The following SLC44A1 variants were observed in gnomAD, a reference collection of about 807,000 sequenced individuals.
The protein encoded by SLC44A1 is solute carrier family 44 member 1, also known as choline transporter-like protein 1.
Under a neutral mutation model 79.3 loss-of-function variants are expected in SLC44A1, and 26 were observed. That is an observed-to-expected ratio of 0.33 (90% CI 0.24 to 0.46). SLC44A1 has a LOEUF of 0.46. Ranked by LOEUF, SLC44A1 falls within the 20% of genes least tolerant of loss-of-function variation. The probability of loss-of-function intolerance (pLI) is 1.00; values close to 1 mark genes in which losing one functional copy is unlikely to be tolerated. For synonymous variants in SLC44A1, 263 were observed against 286.2 expected, an observed-to-expected ratio of 0.92 and a Z score of 0.82; for missense variants, 688 against 798.1, an observed-to-expected ratio of 0.86 and a Z score of 1.66.
At chr9:105,328,908 A>G (rs1209849603) in intron 3 of SLC44A1, among the ~76,000 whole-genome samples, 2 of 152,118 alleles carry the variant, frequency 1.3e-5, no homozygotes, top group Admixed American at 1.3e-4. Context: ...CTTGGGTTTC[A>G]CCAACTCTGG....
chr9:105,387,050 A>AG (rs1170191623), intron 15 of SLC44A1, among the ~76,000 whole-genome samples: 1 of 1,416 alleles, frequency 7.1e-4, no homozygotes, highest in Non-Finnish European at 2.4e-3. Flanking sequence ...AAAAAAAAAA[A>AG]AAAAAAAAAA....
rs1021872446 is a variant in SLC44A1, at chr9:105,304,976, T to G, written c.127-4748T>G. ...TTTTTTTTTTTTTTTTTTTTTTTTT[T>G]TTTTTTTTTTCAGAGTCAAGGTCTC... On this transcript the variant is annotated intron_variant, in intron 2 of 15. Coordinates refer to ENST00000374720, the MANE Select transcript of SLC44A1 (RefSeq NM_080546.5). Among the ~76,000 whole-genome samples the G allele has an allele frequency of 4.9e-4, 52 of 106,956 alleles. 4 individuals are homozygous for G. The East Asian group carries it at 7.1e-3, about 15-fold the overall frequency. 70.2% of individuals were successfully genotyped at this position (106,956 alleles called of 152,430 possible). A position where few individuals can be genotyped will look rare whatever the true frequency, so the allele number is the denominator to read the frequency against.
intron 4 of SLC44A1, among the ~76,000 whole-genome samples, chr9:105,341,997 T>A (rs977970613): frequency 1.3e-5 from 2 of 152,208 alleles, no homozygotes; most frequent in Non-Finnish European, 2.9e-5. Flanking sequence ...TGGTGAATGC[T>A]CTCATCTGAG....
chr9:105,438,383 A>G, exon 16 of SLC44A1: 2 of 1,062,624 alleles, frequency 1.9e-6, no homozygotes, highest in Non-Finnish European at 2.8e-6. Flanking sequence ...GTCTGCGATT[A>G]TGAAGAGCAG....
At chr9:105,277,075 T>C (rs1194202225) in intron 1 of SLC44A1, among the ~76,000 whole-genome samples, 1 of 152,188 alleles carries the variant, frequency 6.6e-6, no homozygotes, top group Non-Finnish European at 1.5e-5. Flanking sequence ...TAGGACGTGG[T>C]CAGATTCTGG....
At chr9:105,401,996 T>G (rs1251141387), downstream of SLC44A1, among the ~76,000 whole-genome samples, 1 of 152,056 alleles carries the variant, frequency 6.6e-6, no homozygotes, top group Non-Finnish European at 1.5e-5. Flanking sequence ...AGCCAGATGA[T>G]GAAGGGGTGG....
In SLC44A1 at chr9:105,396,395, A is replaced by AG. The variant is rs1401869249; in HGVS notation, c.*7339_*7340insG. On this transcript the variant is annotated 3_prime_UTR_variant, in exon 16 of 16. Transcript: ENST00000374720. ...AGCAAAATGACAGGGGCTTCAAAAAACAACCAAAGACAAAACCCTATCTTC... is the reference window on the plus strand; with the variant it reads ...AGCAAAATGACAGGGGCTTCAAAAAAGCAACCAAAGACAAAACCCTATCTTC... The AG allele has an allele frequency of 1.0e-6, 1 of 985,346 alleles. No homozygotes were observed. The highest frequency in any genetic ancestry group is 1.2e-6 in the Non-Finnish European group (1 of 829,946). 61.0% of individuals were successfully genotyped at this position (985,346 alleles called of 1,614,324 possible).
intron 15 of SLC44A1, among the ~76,000 whole-genome samples, chr9:105,421,731 G>T (rs974993869): frequency 2.6e-5 from 4 of 152,052 alleles, no homozygotes; most frequent in Non-Finnish European, 5.9e-5. Flanking sequence ...GGGACTACAG[G>T]TGCCTACCAC....
chr9:105,315,737 G>C (rs922292047), intron 3 of SLC44A1, among the ~76,000 whole-genome samples: 16 of 152,088 alleles, frequency 1.1e-4, no homozygotes, highest in Admixed American at 1.0e-3. Context: ...ACCTGTTCCT[G>C]TTTGAAAAAG....
intron 1 of SLC44A1, among the ~76,000 whole-genome samples, chr9:105,273,295 T>A (rs542310784): frequency 6.6e-6 from 1 of 152,292 alleles, no homozygotes; most frequent in Non-Finnish European, 1.5e-5. Context: ...CCCAGCCCGA[T>A]AATTTTTATT....
rs558060831 is a variant in SLC44A1 at position 105,329,949 on chromosome 9, C to T, written c.270-5614C>T. On this transcript the variant is annotated intron_variant, in intron 3 of 15. Transcript: ENST00000374720. ...AATTTCCACTGACATCTCAGCCTTG[C>T]CTCCTATCACATGGTTTTTAAATGA... Among the ~76,000 whole-genome samples, 29 of 152,254 alleles carry T rather than the reference C, an allele frequency of 1.9e-4. No individual in the cohort carries two copies. In the East Asian group the frequency reaches 5.4e-3, roughly 28 times the overall value.
At chr9:105,427,311 T>G (rs747338260) in intron 15 of SLC44A1, among the ~76,000 whole-genome samples, 17 of 152,228 alleles carry the variant, frequency 1.1e-4, no homozygotes, top group Non-Finnish European at 1.6e-4. Flanking sequence ...AGTTATAATA[T>G]TCTTTCATTT....
At chr9:105,250,789 A>G (rs1015471550) in intron 1 of SLC44A1, among the ~76,000 whole-genome samples, 2 of 152,164 alleles carry the variant, frequency 1.3e-5, no homozygotes, top group Non-Finnish European at 2.9e-5. Flanking sequence ...GAAGTTTACA[A>G]ATGTTATGGA....
At chr9:105,298,796 T>C (rs997060221) in intron 1 of SLC44A1, among the ~76,000 whole-genome samples, 1 of 152,194 alleles carries the variant, frequency 6.6e-6, no homozygotes, top group African/African-American at 2.4e-5. Context: ...TGTATTCATT[T>C]ATTTATTCAT....
chr9:105,355,521 T>C (rs1056748177), intron 5 of SLC44A1, among the ~76,000 whole-genome samples: 1 of 152,258 alleles, frequency 6.6e-6, no homozygotes, highest in African/African-American at 2.4e-5. Context: ...ATGTGTAATC[T>C]TTTATGCAGA....
chr9:105,294,382 G>A (rs1278450526), intron 1 of SLC44A1, among the ~76,000 whole-genome samples: 1 of 151,636 alleles, frequency 6.6e-6, no homozygotes, highest in Non-Finnish European at 1.5e-5. Context: ...ATTCTGTCAC[G>A]TGTTTTGGTT....
At chr9:105,382,555 A>G (rs1828499201) in intron 13 of SLC44A1, among the ~76,000 whole-genome samples, 1 of 152,228 alleles carries the variant, frequency 6.6e-6, no homozygotes, top group South Asian at 2.1e-4. Flanking sequence ...TATATCTGAA[A>G]ACAATATAAA....
At position 105,375,081 on chromosome 9, in the gene SLC44A1, G is replaced by A. The variant is rs1443299121; in HGVS notation, c.1632+346G>A. On this transcript the variant is annotated intron_variant, in intron 13 of 15. Coordinates refer to ENST00000374720, the MANE Select transcript of SLC44A1 (RefSeq NM_080546.5). ...TTTGAAACGGAGTTTCGCTCTTGTCGCCCAGGCTGGAATACAATGGTGCTA... is the reference window on the plus strand; with the variant it reads ...TTTGAAACGGAGTTTCGCTCTTGTCACCCAGGCTGGAATACAATGGTGCTA... Among the ~76,000 whole-genome samples, 9 of 152,198 alleles carry A rather than the reference G, an allele frequency of 5.9e-5. No homozygotes were observed. The Middle Eastern group carries it at 0.01, about 173-fold the overall frequency.
intron 1 of SLC44A1, among the ~76,000 whole-genome samples, chr9:105,288,137 CAG>C (rs1416101971): frequency 6.6e-6 from 1 of 152,022 alleles, no homozygotes; most frequent in African/African-American, 2.4e-5. Flanking sequence ...TTTGTATAAT[CAG>C]AGCATAGATG....
Sources: allele counts gnomAD v4.1 joint callset (sites outside exome capture counted in the v4.1 genomes callset), GRCh38; gene constraint gnomAD v4.1.1; transcripts MANE v1.5; gene names NCBI Gene and HGNC (gene_info 2026-07-23, HGNC 2026-07-21).